Variants in ANKRD18A observed in about 807,000 individuals in gnomAD.
The protein encoded by ANKRD18A is ankyrin repeat domain-containing protein 18A.
Under a neutral mutation model 110.6 loss-of-function variants are expected in ANKRD18A, and 72 were observed. The observed-to-expected ratio is 0.65, with a 90% CI of 0.54 to 0.79. The LOEUF (loss-of-function observed/expected upper bound fraction) is 0.79, where lower values mean the gene tolerates loss of function less well. Ranked by LOEUF, ANKRD18A falls within the 30% of genes least tolerant of loss-of-function variation. The pLI is 0.00. For synonymous variants in ANKRD18A, 305 were observed against 410.3 expected (o/e 0.74, Z 3.10); for missense variants, 934 against 1,163.3 (o/e 0.80, Z 2.87).
chr9:38,579,328 T>A (rs1267643875), intron 12 of ANKRD18A, among the ~76,000 whole-genome samples: 1 of 152,084 alleles, frequency 6.6e-6, no homozygotes, highest in Non-Finnish European at 1.5e-5. Context: ...AACAAACAAA[T>A]GATAGACAAA....
intron 11 of ANKRD18A, among the ~76,000 whole-genome samples, chr9:38,588,308 G>A (rs1824473448): frequency 6.6e-6 from 1 of 151,886 alleles, no homozygotes; most frequent in South Asian, 2.1e-4. Context: ...ATCACTTATT[G>A]TGTTTTTATA....
intron 3 of ANKRD18A, among the ~76,000 whole-genome samples, chr9:38,613,806 A>C (rs1825740681): frequency 6.6e-6 from 1 of 152,234 alleles, no homozygotes; most frequent in Non-Finnish European, 1.5e-5. Context: ...CTACCGATCT[A>C]ATTGAGAAAA....
intron 3 of ANKRD18A, among the ~76,000 whole-genome samples, chr9:38,614,599 A>G (rs1378071249): frequency 6.6e-6 from 1 of 152,210 alleles, no homozygotes; most frequent in Admixed American, 6.5e-5. Context: ...TGCAGCAGAC[A>G]ATCACTTCAG....
intron 10 of ANKRD18A, among the ~76,000 whole-genome samples, chr9:38,588,935 G>T (rs1005207418): frequency 6.6e-5 from 10 of 152,130 alleles, no homozygotes; most frequent in African/African-American, 9.7e-5. Flanking sequence ...AAAGTACTAA[G>T]GGTTAGTAAG....
chr9:38,620,592 C>G lies in ANKRD18A; in HGVS notation c.-307G>C, dbSNP rs541325598. On this transcript the variant is annotated 5_prime_UTR_variant, in exon 1 of 16. Transcript: ENST00000399703. The stretch of plus-strand genomic sequence containing the variant: ...ACCTCAGCGCTCCGAACTCTCAGAC[C>G]GAGTGAGTCCCCGCGATGCCAGTTA... The G allele has an allele frequency of 1.3e-3, 979 of 775,754 alleles. No individual in the cohort carries two copies. Among genetic ancestry groups the G allele is most frequent in the Non-Finnish European group, 1.6e-3 (908 of 585,692 alleles). 48.1% of individuals were successfully genotyped at this position (775,754 alleles called of 1,614,324 possible).
At chr9:38,580,782 T>A (rs1824127395) in intron 12 of ANKRD18A, among the ~76,000 whole-genome samples, 2 of 150,426 alleles carry the variant, frequency 1.3e-5, no homozygotes, top group South Asian at 4.3e-4. Flanking sequence ...ATATGGGCCA[T>A]CCTTACTGAT....
At position 38,600,177 on chromosome 9, in the gene ANKRD18A, T is replaced by G. The variant is rs55773990; in HGVS notation, c.936+954A>C. ...AGGAAGCTTAACTCTCACTGTTTGT[T>G]TGGAGTAAACTTAATTCATTATCAA... On this transcript the variant is annotated intron_variant, in intron 8 of 15. Transcript: ENST00000399703. Among the ~76,000 whole-genome samples, 832 of 152,316 alleles carry G rather than the reference T, an allele frequency of 5.5e-3. 6 individuals carry two copies. The highest frequency in any genetic ancestry group is 0.018 in the African/African-American group (736 of 41,576).
chr9:38,583,201 T>C (rs1160580786), intron 12 of ANKRD18A, among the ~76,000 whole-genome samples: 3 of 152,206 alleles, frequency 2.0e-5, no homozygotes, highest in African/African-American at 7.2e-5. Flanking sequence ...ATTAAAGCCC[T>C]TATCCAATGC....
At chr9:38,570,161 G>A (rs994280862), downstream of ANKRD18A, among the ~76,000 whole-genome samples, 6 of 151,958 alleles carry the variant, frequency 3.9e-5, no homozygotes, top group African/African-American at 1.5e-4. Context: ...CACGGACCAT[G>A]TCTCCCTAAC....
chr9:38,615,601 A>G lies in ANKRD18A; in HGVS notation c.488T>C (p.Leu163Pro), dbSNP rs745678894. ...AAGTTGATTGATCTGTACCTTGTTT[A>G]GTGCTTCAATATTTGCATGGTGGGA... ...LLSHHANIEA[L>P]NKEGNTPLLF... is the part of the protein sequence containing the mutation. The change falls in exon 3 of 16, where the codon CTA (leucine) becomes CCA (proline). Residue 163 changes from leucine to proline, a missense_variant. Transcript: ENST00000399703. 6 of 1,602,416 alleles carry G rather than the reference A, an allele frequency of 3.7e-6. No homozygotes were observed. Among genetic ancestry groups the G allele is most frequent in the Admixed American group, 1.7e-5 (1 of 57,944 alleles).
At chr9:38,602,461 G>A (rs1175987599) in intron 7 of ANKRD18A, among the ~76,000 whole-genome samples, 2 of 152,126 alleles carry the variant, frequency 1.3e-5, no homozygotes, top group Non-Finnish European at 2.9e-5. Context: ...ATGGTGACAG[G>A]GGCATCACCA....
intron 8 of ANKRD18A, among the ~76,000 whole-genome samples, chr9:38,599,271 A>G (rs1825019163): frequency 6.6e-6 from 1 of 152,184 alleles, no homozygotes; most frequent in Non-Finnish European, 1.5e-5. Context: ...GCCAATGCCT[A>G]GAATACCACA....
intron 8 of ANKRD18A, among the ~76,000 whole-genome samples, chr9:38,599,469 T>TA (rs1411879671): frequency 6.7e-6 from 1 of 148,372 alleles, no homozygotes; most frequent in Non-Finnish European, 1.5e-5. Context: ...TGTAATGAAT[T>TA]TTTTTTTTTT....
At chr9:38,603,876 T>C (rs2763819) in intron 6 of ANKRD18A, among the ~76,000 whole-genome samples, 2,857 of 152,308 alleles carry the variant, frequency 0.019, 76 homozygotes, top group African/African-American at 0.065. Flanking sequence ...TCTATGTGGA[T>C]ATTTATTATC....
chr9:38,595,375 G>A (rs1454101792), intron 9 of ANKRD18A, 111 bp downstream of exon 9: 1 of 1,047,518 alleles, frequency 9.5e-7, no homozygotes, highest in Non-Finnish European at 1.3e-6. Context: ...TATACAGAAT[G>A]GTAAACACAT....
chr9:38,573,120 C>A, intron 15 of ANKRD18A: 1 of 1,341,196 alleles, frequency 7.5e-7, no homozygotes, highest in South Asian at 2.1e-5. Context: ...TCTACACGGT[C>A]CAGCTCCATC....
chr9:38,585,477 A>T (rs1242352959), intron 12 of ANKRD18A, among the ~76,000 whole-genome samples: 5 of 152,092 alleles, frequency 3.3e-5, no homozygotes, highest in African/African-American at 1.2e-4. Flanking sequence ...GTACAAAACC[A>T]AACTGTAATG....
chr9:38,599,574 C>G (rs1825035299), intron 8 of ANKRD18A, among the ~76,000 whole-genome samples: 1 of 152,006 alleles, frequency 6.6e-6, no homozygotes, highest in Non-Finnish European at 1.5e-5. Flanking sequence ...AAGCAATTCT[C>G]CTGCCTCAGC....
intron 3 of ANKRD18A, among the ~76,000 whole-genome samples, 188 bp from the exon 4 acceptor site, chr9:38,611,509 C>T (rs1017219660): frequency 6.6e-6 from 1 of 152,170 alleles, no homozygotes; most frequent in African/African-American, 2.4e-5. Context: ...TCCTCTGCCT[C>T]CCCACATTAA....
Sources: allele counts gnomAD v4.1 joint callset (sites outside exome capture counted in the v4.1 genomes callset), GRCh38; gene constraint gnomAD v4.1.1; transcripts MANE v1.5; gene names NCBI Gene and HGNC (gene_info 2026-07-23, HGNC 2026-07-21).